ZNF609: variants seen among roughly 807,000 people sequenced by gnomAD.
ZNF609 encodes zinc finger protein 609.
A neutral mutation model predicts 109.5 loss-of-function variants in ZNF609; 11 were observed. The observed-to-expected ratio is 0.10, with a 90% CI of 0.06 to 0.17. ZNF609 has a LOEUF of 0.17. Ranked by LOEUF, ZNF609 falls within the 10% of genes least tolerant of loss-of-function variation. ZNF609 has a pLI of 1.00. For missense variants in ZNF609, 1,559 were observed against 1,772.4 expected (o/e 0.88, Z 2.16); for synonymous variants, 646 against 662.0 (o/e 0.98, Z 0.37).
chr15:64,636,463 A>G (rs1896177934), intron 3 of ZNF609, among the ~76,000 whole-genome samples: 1 of 152,216 alleles, frequency 6.6e-6, no homozygotes, highest in Admixed American at 6.5e-5. Context: ...CATTGAACTC[A>G]TAATCAAATG....
chr15:64,646,401 TG>T (rs1896333861), intron 3 of ZNF609, among the ~76,000 whole-genome samples: 2 of 147,670 alleles, frequency 1.4e-5, no homozygotes, highest in African/African-American at 2.5e-5. Context: ...GAGGCCGAGG[TG>T]GGTGGATCAG....
chr15:64,644,233 C>A (rs1896299726), intron 3 of ZNF609, among the ~76,000 whole-genome samples: 1 of 152,140 alleles, frequency 6.6e-6, no homozygotes, highest in East Asian at 1.9e-4. Context: ...GCCAATGGCT[C>A]ACACCTATAA....
In ZNF609 at chr15:64,593,353, C is replaced by T. The variant is rs201741279; in HGVS notation, c.748-29474C>T. On this transcript the variant is annotated intron_variant, in intron 2 of 9. Coordinates refer to ENST00000326648, the MANE Select transcript of ZNF609 (RefSeq NM_015042.2). ...GAGGTGAGTTCTTAAAGACTGAAGA[C>T]AGGCTATTCTCTGGAGAAAAATAAA... The T allele has an allele frequency of 7.0e-4, 791 of 1,123,404 alleles. 3 individuals are homozygous for T. The highest frequency in any genetic ancestry group is 3.7e-3 in the Middle Eastern group (13 of 3,550). 69.6% of individuals were successfully genotyped at this position (1,123,404 alleles called of 1,614,324 possible).
chr15:64,567,903 T>G (rs1894803628), intron 2 of ZNF609, among the ~76,000 whole-genome samples: 1 of 152,064 alleles, frequency 6.6e-6, no homozygotes, highest in African/African-American at 2.4e-5. Context: ...CATCGTGATC[T>G]GCCCACCTCA....
chr15:64,646,296 C>T (rs1034726796), intron 3 of ZNF609, among the ~76,000 whole-genome samples: 3 of 151,950 alleles, frequency 2.0e-5, no homozygotes, highest in Admixed American at 6.6e-5. Flanking sequence ...GAATTCAAGA[C>T]CAGCCTGGGC....
intron 2 of ZNF609, among the ~76,000 whole-genome samples, chr15:64,548,312 TAAAA>T (rs1427869800): frequency 6.6e-6 from 1 of 152,148 alleles, no homozygotes; most frequent in African/African-American, 2.4e-5. Context: ...GCAAAGGAAA[TAAAA>T]AAGGTGCCAC....
chr15:64,681,284 C>G (rs2083206087), intron 8 of ZNF609, 25 bp from the exon 9 acceptor site: 1 of 1,611,198 alleles, frequency 6.2e-7, no homozygotes, highest in South Asian at 1.1e-5. Context: ...GAGTGCTACA[C>G]TAACATGTTC....
intron 1 of ZNF609, among the ~76,000 whole-genome samples, chr15:64,497,178 T>C (rs1893493524): frequency 6.6e-6 from 1 of 152,242 alleles, no homozygotes; most frequent in South Asian, 2.1e-4. Context: ...TTTCATAGTT[T>C]GTACATCATA....
At chr15:64,469,178 G>T (rs937291125) in intron 1 of ZNF609, among the ~76,000 whole-genome samples, 6 of 151,664 alleles carry the variant, frequency 4.0e-5, no homozygotes, top group African/African-American at 1.5e-4. Context: ...CAGGAGAATC[G>T]CTTAAACTTG....
chr15:64,525,349 T>C (rs776536372), intron 2 of ZNF609, among the ~76,000 whole-genome samples: 4 of 152,316 alleles, frequency 2.6e-5, no homozygotes, highest in East Asian at 1.9e-4. Flanking sequence ...TTACCCCACA[T>C]TGAATTTTCT....
Position 64,531,587 on chromosome 15 carries a change from C to CG in ZNF609, c.747+31425dup, listed in dbSNP as rs558071276. On this transcript the variant is annotated intron_variant, in intron 2 of 9. Coordinates refer to ENST00000326648, the MANE Select transcript of ZNF609 (RefSeq NM_015042.2). ...TAATTTTTTATATTTTTTGTGGAGA[C>CG]GGGGTCTCCCTATGTTGCCCAGGCG... Among the ~76,000 whole-genome samples the CG allele has an allele frequency of 9.3e-4, 141 of 151,986 alleles. 1 individual carries two copies. The highest frequency in any genetic ancestry group is 3.1e-3 in the African/African-American group (130 of 41,456).
chr15:64,569,604 T>A (rs1263054796), intron 2 of ZNF609, among the ~76,000 whole-genome samples: 1 of 152,248 alleles, frequency 6.6e-6, no homozygotes, highest in Non-Finnish European at 1.5e-5. Flanking sequence ...GCCAATTCAG[T>A]AGCCCCCTCC....
At chr15:64,460,106 G>A (rs1241160053), upstream of ZNF609, among the ~76,000 whole-genome samples, 1 of 152,216 alleles carries the variant, frequency 6.6e-6, no homozygotes, top group South Asian at 2.1e-4. Flanking sequence ...GCTGAACTAA[G>A]GGGTAAAATG....
At chr15:64,535,654 C>A (rs1299280740) in intron 2 of ZNF609, among the ~76,000 whole-genome samples, 2 of 152,152 alleles carry the variant, frequency 1.3e-5, no homozygotes, top group Non-Finnish European at 2.9e-5. Context: ...CCCAAGAGTG[C>A]AGTTGCTGGG....
At chr15:64,603,733 G>T (rs1157858879) in intron 2 of ZNF609, among the ~76,000 whole-genome samples, 1 of 151,512 alleles carries the variant, frequency 6.6e-6, no homozygotes, top group East Asian at 2.0e-4. Flanking sequence ...GAGCGTGGTG[G>T]CTCACGCCTG....
At chr15:64,581,614 A>G (rs896755242) in intron 2 of ZNF609, among the ~76,000 whole-genome samples, 2 of 152,104 alleles carry the variant, frequency 1.3e-5, no homozygotes, top group Non-Finnish European at 2.9e-5. Flanking sequence ...CCTGGGAATG[A>G]AGCTTCACAG....
At chr15:64,576,360 T>C (rs879407899) in intron 2 of ZNF609, among the ~76,000 whole-genome samples, 6 of 152,082 alleles carry the variant, frequency 3.9e-5, no homozygotes, top group Admixed American at 6.6e-5. Flanking sequence ...CTAGCTTAAA[T>C]ATATTATAAA....
chr15:64,580,077 G>A (rs1895072666), intron 2 of ZNF609, among the ~76,000 whole-genome samples: 2 of 152,176 alleles, frequency 1.3e-5, no homozygotes, highest in Admixed American at 1.3e-4. Flanking sequence ...GTAATCACAA[G>A]GGTTCTTGTA....
chr15:64,656,752 CCTCT>C (rs1010084331), intron 3 of ZNF609, among the ~76,000 whole-genome samples: 1 of 150,790 alleles, frequency 6.6e-6, no homozygotes, highest in Non-Finnish European at 1.5e-5. Flanking sequence ...GTCCCTCCTC[CCTCT>C]CTCCCTCTTT....
Sources: gnomAD v4.1 joint callset for allele counts (sites outside exome capture counted in the v4.1 genomes callset) on GRCh38, gnomAD v4.1.1 for gene constraint, MANE v1.5 for transcripts, NCBI Gene and HGNC (gene_info 2026-07-23, HGNC 2026-07-21) for gene names.